ARHGAP24: variants seen among roughly 807,000 people sequenced by gnomAD.
ARHGAP24 encodes Rho GTPase activating protein 24.
A neutral mutation model predicts 76.4 loss-of-function variants in ARHGAP24; 50 were observed. That is an observed-to-expected ratio of 0.65 (90% CI 0.52 to 0.83). The LOEUF (loss-of-function observed/expected upper bound fraction) is 0.83, where lower values mean the gene tolerates loss of function less well. ARHGAP24 is among the 40% of genes least tolerant of loss of function. ARHGAP24 has a pLI of 0.00. For missense variants in ARHGAP24, 930 were observed against 914.2 expected (o/e 1.02, Z -0.22); for synonymous variants, 345 against 323.3 (o/e 1.07, Z -0.72).
intron 2 of ARHGAP24, among the ~76,000 whole-genome samples, chr4:85,583,048 C>T (rs942154283): frequency 2.0e-5 from 3 of 152,064 alleles, no homozygotes; most frequent in African/African-American, 7.2e-5. Context: ...ACTCTTCTAG[C>T]TTTCCTGTTT....
intron 2 of ARHGAP24, among the ~76,000 whole-genome samples, chr4:85,660,227 C>T (rs1384989703): frequency 1.3e-5 from 2 of 152,066 alleles, no homozygotes; most frequent in Non-Finnish European, 2.9e-5. Flanking sequence ...CCTGCCTGCC[C>T]GCCGTGAAGC....
At chr4:85,632,372 G>A (rs1156892734) in intron 2 of ARHGAP24, among the ~76,000 whole-genome samples, 4 of 151,948 alleles carry the variant, frequency 2.6e-5, no homozygotes, top group Non-Finnish European at 4.4e-5. Flanking sequence ...TGGAGAACTG[G>A]GAACATGTGT....
intron 3 of ARHGAP24, among the ~76,000 whole-genome samples, chr4:85,763,583 G>C (rs1220297681): frequency 6.6e-6 from 1 of 152,032 alleles, no homozygotes; most frequent in Non-Finnish European, 1.5e-5. Context: ...GAGGCAAAGG[G>C]GGGTGTCTGG....
At chr4:85,627,052 T>C (rs907574473) in intron 2 of ARHGAP24, among the ~76,000 whole-genome samples, 1 of 152,190 alleles carries the variant, frequency 6.6e-6, no homozygotes, top group African/African-American at 2.4e-5. Flanking sequence ...AGTTTGATCA[T>C]CTGAAGCCTT....
chr4:85,521,076 A>G (rs937036419), intron 1 of ARHGAP24, among the ~76,000 whole-genome samples: 3 of 152,180 alleles, frequency 2.0e-5, no homozygotes, highest in African/African-American at 7.2e-5. Context: ...GCTTTTTTTC[A>G]GCAGAGTAGC....
chr4:85,698,152 G>A (rs1723939507), intron 2 of ARHGAP24, among the ~76,000 whole-genome samples: 1 of 152,158 alleles, frequency 6.6e-6, no homozygotes. Flanking sequence ...GACAATGTAT[G>A]ACAAAATTAA....
At chr4:85,606,771 G>T (rs985131786) in intron 2 of ARHGAP24, among the ~76,000 whole-genome samples, 18 of 152,178 alleles carry the variant, frequency 1.2e-4, no homozygotes, top group African/African-American at 4.3e-4. Context: ...GTAGTCAAGT[G>T]AGACTGACAT....
chr4:85,719,617 C>T (rs1023291346), intron 2 of ARHGAP24, among the ~76,000 whole-genome samples: 4 of 152,166 alleles, frequency 2.6e-5, no homozygotes, highest in Non-Finnish European at 5.9e-5. Flanking sequence ...GTTCAGCACA[C>T]TTAGTTTTTA....
intron 2 of ARHGAP24, among the ~76,000 whole-genome samples, chr4:85,700,002 A>G (rs1724017115): frequency 6.6e-6 from 1 of 152,208 alleles, no homozygotes; most frequent in South Asian, 2.1e-4. Context: ...ATGTTACACA[A>G]GCTGGATTGA....
intron 4 of ARHGAP24, among the ~76,000 whole-genome samples, chr4:85,924,058 T>A (rs896590362): frequency 2.2e-4 from 34 of 152,120 alleles, no homozygotes; most frequent in African/African-American, 7.2e-4. Context: ...CAATACACTG[T>A]TATGGGACTC....
intron 1 of ARHGAP24, among the ~76,000 whole-genome samples, chr4:85,519,178 C>T (rs951250430): frequency 6.6e-6 from 1 of 152,168 alleles, no homozygotes; most frequent in Non-Finnish European, 1.5e-5. Context: ...TTTTCTGTGG[C>T]TTCCTTGATT....
intron 3 of ARHGAP24, among the ~76,000 whole-genome samples, chr4:85,749,430 G>A (rs56030613): frequency 0.075 from 11,400 of 152,228 alleles, 499 homozygotes; most frequent in Middle Eastern, 0.099. Context: ...GTTGATATAG[G>A]AGTCATAGAA....
chr4:85,840,012 G>A (rs1345726147), intron 3 of ARHGAP24, among the ~76,000 whole-genome samples: 2 of 126,698 alleles, frequency 1.6e-5, no homozygotes, highest in East Asian at 2.3e-4. Flanking sequence ...ACCATGCCTG[G>A]CTAACTTTTT....
chr4:85,654,858 G>T (rs901544773), intron 2 of ARHGAP24, among the ~76,000 whole-genome samples: 1 of 152,074 alleles, frequency 6.6e-6, no homozygotes, highest in African/African-American at 2.4e-5. Flanking sequence ...TGTGTACTTT[G>T]TATGCTTCTT....
At chr4:85,737,019 T>G (rs1375833998) in intron 3 of ARHGAP24, among the ~76,000 whole-genome samples, 2 of 152,192 alleles carry the variant, frequency 1.3e-5, no homozygotes, top group African/African-American at 4.8e-5. Context: ...ATCTTTCCCC[T>G]AGTTGATGTG....
At chr4:85,595,804 C>T (rs759704745) in intron 2 of ARHGAP24, among the ~76,000 whole-genome samples, 1 of 152,006 alleles carries the variant, frequency 6.6e-6, no homozygotes, top group Non-Finnish European at 1.5e-5. Context: ...CCTAAGGAGT[C>T]TGATAACTAA....
chr4:85,590,006 C>G (rs777539542), intron 2 of ARHGAP24, among the ~76,000 whole-genome samples: 18 of 152,278 alleles, frequency 1.2e-4, no homozygotes, highest in Non-Finnish European at 2.1e-4. Flanking sequence ...TAGATTATCC[C>G]TCTTTTAGAA....
chr4:85,546,875 A>T (rs1560527403), intron 1 of ARHGAP24, among the ~76,000 whole-genome samples: 1 of 152,166 alleles, frequency 6.6e-6, no homozygotes, highest in Non-Finnish European at 1.5e-5. Context: ...TCAATTATTT[A>T]CATTCTTTTT....
At chr4:85,554,668 A>AT (rs1202341829) in intron 1 of ARHGAP24, among the ~76,000 whole-genome samples, 4 of 151,144 alleles carry the variant, frequency 2.6e-5, no homozygotes, top group Non-Finnish European at 5.9e-5. Context: ...TATTATTATT[A>AT]TTTTTTCTTC....
Sources: allele counts gnomAD v4.1 joint callset (sites outside exome capture counted in the v4.1 genomes callset), GRCh38; gene constraint gnomAD v4.1.1; transcripts MANE v1.5; gene names NCBI Gene and HGNC (gene_info 2026-07-23, HGNC 2026-07-21).